The following UPF1 variants were observed in gnomAD, a reference collection of about 807,000 sequenced individuals.
UPF1 encodes the protein UPF1 RNA helicase and ATPase.
UPF1 carries 9 observed loss-of-function variants against 129.2 expected under a neutral mutation model. That is an observed-to-expected ratio of 0.07 (90% CI 0.04 to 0.12). The LOEUF (loss-of-function observed/expected upper bound fraction) is 0.12, where lower values mean the gene tolerates loss of function less well. Ranked by LOEUF, UPF1 falls within the 10% of genes least tolerant of loss-of-function variation. The pLI is 1.00. For synonymous variants in UPF1, 649 were observed against 644.9 expected (o/e 1.01, Z -0.10); for missense variants, 788 against 1,525.3 (o/e 0.52, Z 8.05).
chr19:18,865,663 G>A lies in UPF1; in HGVS notation c.3122G>A (p.Ser1041Asn). 6.2e-7 allele frequency: 1 copy of A among 1,613,948 alleles called. No individual in the cohort carries two copies. Among genetic ancestry groups the A allele is most frequent in the Non-Finnish European group, 8.5e-7 (1 of 1,180,050 alleles). The stretch of plus-strand genomic sequence containing the variant: ...ACTAACCTCCCCAACAGCCAAGCCA[G>A]CCAGGATGTGGCGTCACAGCCCTTC... ...SQTNLPNSQA[S>N]QDVASQPFSQ... The change falls in exon 22 of 24, where the codon AGC becomes AAC. Residue 1041 changes from serine (S) to asparagine (N), a missense_variant. Ser to Asn is a conservative substitution (Grantham distance 46, BLOSUM62 1). Around this residue, in one of 6 missense-constraint regions of UPF1, gnomAD observed 218 missense variants for 318.1 expected, o/e 0.69. Transcript: ENST00000262803. This position sits in a 1 kb window ranked among gnomAD's most constrained non-coding sequence, Gnocchi z 6.1.
intron 1 of UPF1, among the ~76,000 whole-genome samples, chr19:18,842,970 A>G (rs1205077803): frequency 6.6e-6 from 1 of 151,818 alleles, no homozygotes; most frequent in Non-Finnish European, 1.5e-5. Flanking sequence ...GTAGGCAACG[A>G]GAGTGAAACT....
chr19:18,850,547 A>C lies in UPF1; in HGVS notation c.630-141A>C. 1.0e-6 allele frequency: 1 copy of C among 960,160 alleles called. No individual in the cohort carries two copies. The highest frequency in any genetic ancestry group is 1.5e-6 in the Non-Finnish European group (1 of 676,784). 59.5% of individuals were successfully genotyped at this position (960,160 alleles called of 1,614,324 possible). ...GCACAGGGAGATGCGATTTATTACT[A>C]ACAGTTTGAAGGTAATGTGATCACA... On this transcript the variant is annotated intron_variant, in intron 4 of 23. Transcript: ENST00000262803. This position sits in a 1 kb window ranked among gnomAD's most constrained non-coding sequence, Gnocchi z 7.1.
chr19:18,867,834 C>A lies in UPF1; in HGVS notation c.*1317C>A. 6.6e-6 allele frequency: 1 copy of A among 152,448 alleles called. No individual in the cohort carries two copies. Among genetic ancestry groups the A allele is most frequent in the Non-Finnish European group, 1.5e-5 (1 of 68,118 alleles). 9.4% of individuals were successfully genotyped at this position (152,448 alleles called of 1,614,324 possible). On this transcript the variant is annotated 3_prime_UTR_variant, in exon 24 of 24. Transcript: ENST00000262803. ...GCCTCCAGCTTCCCCTGCCCCGGGC[C>A]TGGGGCTGTCACTGGCCCTGATCCG...
intron 1 of UPF1, among the ~76,000 whole-genome samples, chr19:18,836,429 T>C (rs1180162102): frequency 6.6e-6 from 1 of 152,210 alleles, no homozygotes; most frequent in African/African-American, 2.4e-5. Flanking sequence ...TAATTACTTT[T>C]TTGTATGTGT....
intron 15 of UPF1, 121 bp from the exon 16 acceptor site, chr19:18,860,200 T>G: frequency 9.7e-7 from 1 of 1,036,052 alleles, no homozygotes; most frequent in Non-Finnish European, 1.5e-6. Context: ...GCCTCACAGA[T>G]CGAAGTCTCC....
chr19:18,858,314 G>A (rs1013494160), intron 15 of UPF1, among the ~76,000 whole-genome samples: 8 of 152,220 alleles, frequency 5.3e-5, no homozygotes, highest in Non-Finnish European at 7.3e-5. Flanking sequence ...AAAACTTAAC[G>A]TCGCTTGCCA....
At chr19:18,844,323 T>C (rs1337301830) in intron 1 of UPF1, among the ~76,000 whole-genome samples, 1 of 149,322 alleles carries the variant, frequency 6.7e-6, no homozygotes, top group Non-Finnish European at 1.5e-5. Flanking sequence ...GGTTTTTCTT[T>C]TTTCTTTTTT....
At chr19:18,856,841 G>A (rs764003979) in intron 13 of UPF1, 36 bp from the exon 14 acceptor site, 5 of 1,588,924 alleles carry the variant, frequency 3.1e-6, no homozygotes, top group Non-Finnish European at 4.3e-6. Context: ...GGCGTTTACA[G>A]TGCAGGTGCC....
rs996308354 is a variant in UPF1, at chr19:18,845,942, C to T, written c.232-38C>T. ...GTTCTTCTGCACTGAGTCCTGGAAG[C>T]TGCAGCCTCACTCAGGTGACACTGC... On this transcript the variant is annotated intron_variant, in intron 1 of 23. Coordinates refer to ENST00000262803, the MANE Select transcript of UPF1 (RefSeq NM_002911.4). 5.0e-6 allele frequency: 8 copies of T among 1,609,722 alleles called. No individual in the cohort carries two copies. In the African/African-American group the frequency reaches 1.1e-4, roughly 21 times the overall value.
chr19:18,855,578 G>A (rs904483070), intron 11 of UPF1: 3 of 507,828 alleles, frequency 5.9e-6, no homozygotes, highest in Non-Finnish European at 7.1e-6. Context: ...GAGCTGTGAA[G>A]CCTGGGCTGT....
chr19:18,853,881 T>C lies in UPF1; in HGVS notation c.1156+531T>C, dbSNP rs1046915142. Among the ~76,000 whole-genome samples, 9 of 152,234 alleles carry C rather than the reference T, an allele frequency of 5.9e-5. No individual in the cohort carries two copies. Among genetic ancestry groups the C allele is most frequent in the East Asian group, 3.9e-4 (2 of 5,176 alleles). The stretch of plus-strand genomic sequence containing the variant: ...CAGAGGCTTGGGTGGGGAGGAGTCC[T>C]GGGAGAAGACACCGCGGGTCAGACT... On this transcript the variant is annotated intron_variant, in intron 8 of 23. Coordinates refer to ENST00000262803, the MANE Select transcript of UPF1 (RefSeq NM_002911.4). This position sits in a 1 kb window ranked among gnomAD's most constrained non-coding sequence, Gnocchi z 4.4.
At chr19:18,847,859 G>T (rs368539038) in intron 3 of UPF1, 26 bp downstream of exon 3, 70 of 1,603,500 alleles carry the variant, frequency 4.4e-5, no homozygotes, top group Non-Finnish European at 5.7e-5. Flanking sequence ...ATGCATGTGT[G>T]TTTAATCAGT....
rs921004798 is a variant in UPF1 at position 18,866,738 on chromosome 19, G to C, written c.*221G>C. On this transcript the variant is annotated 3_prime_UTR_variant, in exon 24 of 24. Transcript: ENST00000262803. The stretch of plus-strand genomic sequence containing the variant: ...GAGCAGAGGGAGCGGAGGAGGGGCC[G>C]GCCCGCGGGAGCCGCGGCCACCAGG... 1 of 152,504 alleles carries C rather than the reference G, an allele frequency of 6.6e-6. No individual in the cohort carries two copies. The allele number at this position is 152,504 out of a possible 1,614,324, so 9.4% of individuals were successfully genotyped here.
intron 22 of UPF1, 29 bp from the exon 23 acceptor site, chr19:18,866,015 C>T (rs773062460): frequency 1.9e-6 from 3 of 1,612,918 alleles, no homozygotes; most frequent in Non-Finnish European, 2.5e-6. Context: ...TGGCCTGTGG[C>T]TTGCTTACCT....
chr19:18,867,834 CT>C lies in UPF1; in HGVS notation c.*1318del, dbSNP rs1182546996. The C allele has an allele frequency of 2.0e-5, 3 of 152,330 alleles. No individual in the cohort carries two copies. The highest frequency in any genetic ancestry group is 7.2e-5 in the African/African-American group (3 of 41,450). 9.4% of individuals were successfully genotyped at this position (152,330 alleles called of 1,614,324 possible). On this transcript the variant is annotated 3_prime_UTR_variant, in exon 24 of 24. Transcript: ENST00000262803. ...GCCTCCAGCTTCCCCTGCCCCGGGC[CT>C]GGGGCTGTCACTGGCCCTGATCCGA...
At chr19:18,854,846 G>A (rs748625134) in intron 9 of UPF1, 33 bp from the exon 10 acceptor site, 4 of 1,612,576 alleles carry the variant, frequency 2.5e-6, no homozygotes, top group Non-Finnish European at 3.4e-6. Context: ...GGCCACAGCT[G>A]TGCGTGTCGC....
intron 17 of UPF1, 134 bp from the exon 18 acceptor site, chr19:18,861,876 A>C: frequency 8.6e-7 from 1 of 1,161,360 alleles, no homozygotes; most frequent in South Asian, 1.6e-5. Context: ...GACAGCCCCT[A>C]GGTGCGGTGA....
intron 15 of UPF1, among the ~76,000 whole-genome samples, chr19:18,859,204 C>T (rs2055750523): frequency 6.6e-6 from 1 of 152,222 alleles, no homozygotes; most frequent in Non-Finnish European, 1.5e-5. Context: ...TCGGCGCAGG[C>T]TCAGACCCCT....
intron 2 of UPF1, among the ~76,000 whole-genome samples, chr19:18,847,380 C>A (rs2055612077): frequency 6.6e-6 from 1 of 152,170 alleles, no homozygotes; most frequent in Admixed American, 6.5e-5. Flanking sequence ...GAGCACAGTG[C>A]CCTCTGCTGG....
Sources: gnomAD v4.1 joint callset for allele counts (sites outside exome capture counted in the v4.1 genomes callset) on GRCh38, gnomAD v4.1.1 for gene constraint, gnomAD v4.1.1 regional missense constraint, Gnocchi (gnomAD v3.1) non-coding constraint, MANE v1.5 for transcripts, NCBI Gene and HGNC (gene_info 2026-07-23, HGNC 2026-07-21) for gene names.